PAX9: variants seen among roughly 807,000 people sequenced by gnomAD.
PAX9 encodes the protein paired box 9.
In PAX9, 6 loss-of-function variants were observed where a neutral mutation model predicts 29.1. The observed-to-expected ratio is 0.21, with a 90% CI of 0.11 to 0.41. The LOEUF is 0.41. PAX9 is among the 10% of genes least tolerant of loss of function. PAX9 has a pLI of 1.00. For synonymous variants in PAX9, 217 were observed against 211.7 expected (o/e 1.03, Z -0.22); for missense variants, 443 against 479.1 (o/e 0.92, Z 0.70).
chr14:36,673,832 A>G (rs912765739), intron 3 of PAX9, among the ~76,000 whole-genome samples: 13 of 152,336 alleles, frequency 8.5e-5, no homozygotes, highest in South Asian at 8.3e-4. Context: ...ATGTCCCTAT[A>G]TGATGTTGGC....
At chr14:36,666,088 A>T (rs906520594) in intron 2 of PAX9, 92 of 219,182 alleles carry the variant, frequency 4.2e-4, no homozygotes, top group African/African-American at 1.9e-3. Context: ...TGGGTTAAGA[A>T]TGAGGAGGTG....
Position 36,667,560 on chromosome 14 carries a change from A to G in PAX9, c.771+959A>G, listed in dbSNP as rs138989617. On this transcript the variant is annotated intron_variant, in intron 3 of 3. Coordinates refer to ENST00000361487, the MANE Select transcript of PAX9 (RefSeq NM_001372076.1). Reference sequence around the variant, plus strand: ...CCTTTTATTATTTTGAAGACTTAAAATTTTTAATGCTTTTTTGTCTGTCAA... The same window carrying G: ...CCTTTTATTATTTTGAAGACTTAAAGTTTTTAATGCTTTTTTGTCTGTCAA... Among the ~76,000 whole-genome samples the G allele has an allele frequency of 4.6e-5, 7 of 152,364 alleles. No individual in the cohort carries two copies. The East Asian group carries it at 1.4e-3, about 29-fold the overall frequency.
intron 3 of PAX9, among the ~76,000 whole-genome samples, chr14:36,672,781 GT>G (rs66759272): frequency 0.079 from 4,528 of 57,380 alleles, 217 homozygotes; most frequent in African/African-American, 0.21. Flanking sequence ...AAAGATTTAT[GT>G]TTGTTTTTTT....
chr14:36,662,456 A>G (rs1017475383), intron 1 of PAX9: 1 of 383,290 alleles, frequency 2.6e-6, no homozygotes, highest in Admixed American at 4.1e-5. Context: ...AACAAATAAA[A>G]CACCCTCTAG....
chr14:36,664,567 A>C (rs1390118885), intron 2 of PAX9, among the ~76,000 whole-genome samples: 1 of 88,668 alleles, frequency 1.1e-5, no homozygotes, highest in Non-Finnish European at 2.4e-5. Flanking sequence ...TCTTTTACTG[A>C]GTTTTTTTTT....
rs1410118117 is a variant in PAX9 at position 36,663,441 on chromosome 14, C to T, written c.549C>T (p.Pro183=). ...VPTPPGVPAI[P]GSVAMPRTWP... ...CGCCACCCGGGGTGCCTGCCATCCCCGGTTCGGTGGCCATGCCGCGCACCT... is the reference window on the plus strand; with the variant it reads ...CGCCACCCGGGGTGCCTGCCATCCCTGGTTCGGTGGCCATGCCGCGCACCT... The change falls in exon 2 of 4, where the codon CCC becomes CCT. Residue 183 remains proline (P), a synonymous_variant. Coordinates refer to ENST00000361487, the MANE Select transcript of PAX9 (RefSeq NM_001372076.1). 2.5e-6 allele frequency: 4 copies of T among 1,612,858 alleles called. No homozygotes were observed. The highest frequency in any genetic ancestry group is 1.6e-4 in the Middle Eastern group (1 of 6,080).
intron 3 of PAX9, among the ~76,000 whole-genome samples, chr14:36,671,517 CTT>C (rs1456547321): frequency 6.9e-6 from 1 of 145,758 alleles, no homozygotes; most frequent in African/African-American, 2.8e-5. Context: ...TACATTTTTG[CTT>C]TGTTTTTTAA....
At chr14:36,674,837 TTTTC>T (rs1445611567) in intron 3 of PAX9, among the ~76,000 whole-genome samples, 6 of 152,242 alleles carry the variant, frequency 3.9e-5, no homozygotes, top group Non-Finnish European at 7.3e-5. Flanking sequence ...CCTCTAATAT[TTTTC>T]TTTTTTTGTC....
At chr14:36,666,417 C>A (rs771342729) in intron 2 of PAX9, 45 bp from the exon 3 acceptor site, 3 of 1,594,340 alleles carry the variant, frequency 1.9e-6, no homozygotes, top group Non-Finnish European at 2.6e-6. Flanking sequence ...GAGTGGGGCG[C>A]GCGGGCTGGG....
upstream of PAX9, among the ~76,000 whole-genome samples, chr14:36,661,192 C>T (rs1594465198): frequency 6.6e-6 from 1 of 152,256 alleles, no homozygotes; most frequent in Non-Finnish European, 1.5e-5. Flanking sequence ...TGGCCCGTGC[C>T]TCGAGCCTGT....
intron 3 of PAX9, among the ~76,000 whole-genome samples, chr14:36,669,783 T>C (rs77198265): frequency 0.015 from 2,290 of 152,254 alleles, 64 homozygotes; most frequent in African/African-American, 0.052. Context: ...TAGAATATTC[T>C]AACTTGTCTT....
rs61754301 is a variant in PAX9 at position 36,663,501 on chromosome 14, C to T, written c.609C>T (p.Gly203=). The part of the protein sequence containing the change: ...PSSHSVTDIL[G]IRSITDQVSD... ...CGCACTCCGTCACCGACATCCTGGGCATCCGCTCCATCACCGACCAAGGTA... is the reference window on the plus strand; with the variant it reads ...CGCACTCCGTCACCGACATCCTGGGTATCCGCTCCATCACCGACCAAGGTA... Residue 203 remains glycine (G), a synonymous_variant, in exon 2 of 4, where the codon GGC becomes GGT. Coordinates refer to ENST00000361487, the MANE Select transcript of PAX9 (RefSeq NM_001372076.1). The T allele has an allele frequency of 1.8e-3, 2,945 of 1,612,952 alleles. 3 individuals carry two copies. Among genetic ancestry groups the T allele is most frequent in the Non-Finnish European group, 2.1e-3 (2,506 of 1,179,902 alleles).
At position 36,678,518 on chromosome 14, in the gene PAX9, C is replaced by CAAAG; in HGVS notation, c.*2068_*2071dup. On this transcript the variant is annotated 3_prime_UTR_variant, in exon 4 of 4. Coordinates refer to ENST00000361487, the MANE Select transcript of PAX9 (RefSeq NM_001372076.1). ...AAAATAGACTATAAACTGAATGGAA[C>CAAAG]AAAGATCCAATCCAATATTTTGGTG... 1 of 1,536,916 alleles carries CAAAG rather than the reference C, an allele frequency of 6.5e-7. No homozygotes were observed. The highest frequency in any genetic ancestry group is 8.7e-7 in the Non-Finnish European group (1 of 1,146,742).
At position 36,663,480 on chromosome 14, in the gene PAX9, C is replaced by T. The variant is rs1881369184; in HGVS notation, c.588C>T (p.His196=). Residue 196 remains histidine (H), a synonymous_variant, in exon 2 of 4, where the codon CAC becomes CAT. Transcript: ENST00000361487. ...VAMPRTWPSS[H]SVTDILGIRS... is the part of the protein sequence containing the mutation. Reference sequence around the variant, plus strand: ...TGCCGCGCACCTGGCCCTCCTCGCACTCCGTCACCGACATCCTGGGCATCC... The same window carrying T: ...TGCCGCGCACCTGGCCCTCCTCGCATTCCGTCACCGACATCCTGGGCATCC... 1.9e-6 allele frequency: 3 copies of T among 1,613,026 alleles called. No homozygotes were observed. Among genetic ancestry groups the T allele is most frequent in the Non-Finnish European group, 2.5e-6 (3 of 1,179,908 alleles).
rs974516902 is a variant in PAX9, at chr14:36,678,872, A to C, written c.*2420A>C. 2.1e-6 allele frequency: 2 copies of C among 971,522 alleles called. No individual in the cohort carries two copies. Among genetic ancestry groups the C allele is most frequent in the African/African-American group, 3.5e-5 (2 of 57,088 alleles). The allele number at this position is 971,522 out of a possible 1,614,324, so 60.2% of individuals were successfully genotyped here. On this transcript the variant is annotated 3_prime_UTR_variant, in exon 4 of 4. Transcript: ENST00000361487. ...TAAAAGATATCAGATACAATTTGCTATTCAAAGAAAATTATGATTTAAAGC... is the reference window on the plus strand; with the variant it reads ...TAAAAGATATCAGATACAATTTGCTCTTCAAAGAAAATTATGATTTAAAGC...
intron 3 of PAX9, among the ~76,000 whole-genome samples, chr14:36,674,410 G>A (rs1441674410): frequency 1.3e-5 from 2 of 152,180 alleles, no homozygotes; most frequent in Non-Finnish European, 2.9e-5. Flanking sequence ...CATGGCCACT[G>A]GCTTGCCAAT....
intron 3 of PAX9, among the ~76,000 whole-genome samples, chr14:36,674,428 G>A (rs144267955): frequency 9.2e-5 from 14 of 152,306 alleles, no homozygotes; most frequent in East Asian, 7.7e-4. Flanking sequence ...AATTGGTTGA[G>A]GGTACATGGC....
At chr14:36,672,147 C>G (rs1464575613) in intron 3 of PAX9, 1 of 152,196 alleles carries the variant, frequency 6.6e-6, no homozygotes, top group Admixed American at 6.5e-5. Flanking sequence ...CCATTACATG[C>G]CCATTGCTGG....
chr14:36,662,074 T>G lies in PAX9; in HGVS notation c.-16T>G, dbSNP rs2139106505. On this transcript the variant is annotated 5_prime_UTR_variant, in exon 1 of 4. Transcript: ENST00000361487. Reference sequence around the variant, plus strand: ...GAGTGCGGAACTGGGGCCGGGTTGGTGTACTGCTCGGAGCAATGGGTGAGT... The same window carrying G: ...GAGTGCGGAACTGGGGCCGGGTTGGGGTACTGCTCGGAGCAATGGGTGAGT... The G allele has an allele frequency of 1.9e-6, 3 of 1,559,192 alleles. No homozygotes were observed. The highest frequency in any genetic ancestry group is 2.6e-6 in the Non-Finnish European group (3 of 1,153,356).
Sources: gnomAD v4.1 joint callset for allele counts (sites outside exome capture counted in the v4.1 genomes callset) on GRCh38, gnomAD v4.1.1 for gene constraint, MANE v1.5 for transcripts, NCBI Gene and HGNC (gene_info 2026-07-23, HGNC 2026-07-21) for gene names.